Variants in ARHGAP6 observed in about 807,000 individuals in gnomAD.
ARHGAP6 encodes rho GTPase-activating protein 6.
ARHGAP6 carries 16 observed loss-of-function variants against 55.7 expected under a neutral mutation model. That is an observed-to-expected ratio of 0.29 (90% confidence interval 0.19 to 0.44). The LOEUF (loss-of-function observed/expected upper bound fraction) is 0.44. Among genes scored for constraint, ARHGAP6 ranks in the 20% least tolerant of loss-of-function variants. The pLI is 1.00. For synonymous variants in ARHGAP6, 382 were observed against 360.9 expected, an observed-to-expected ratio of 1.06 and a Z score of -0.66; for missense variants, 698 against 808.9, an observed-to-expected ratio of 0.86 and a Z score of 1.66.
At chrX:11,626,544 C>A (rs1013793749) in intron 1 of ARHGAP6, among the ~76,000 whole-genome samples, 1 of 111,796 alleles carries the variant, frequency 8.9e-6, no homozygotes, top group African/African-American at 3.2e-5. Context: ...TTTCTTAATG[C>A]ATCATAAAAT....
intron 1 of ARHGAP6, among the ~76,000 whole-genome samples, chrX:11,353,914 C>T (rs2048893670): frequency 1.8e-5 from 2 of 110,976 alleles, no homozygotes; most frequent in South Asian, 7.7e-4. Flanking sequence ...GTGACTACAT[C>T]AGGCAAACTT....
intron 1 of ARHGAP6, among the ~76,000 whole-genome samples, chrX:11,599,754 G>A (rs1339167811): frequency 9.0e-6 from 1 of 111,552 alleles, no homozygotes; most frequent in African/African-American, 3.3e-5. Context: ...AATTTGCTAA[G>A]GGGATAGATC....
At chrX:11,178,892 G>T (rs951159925) in intron 7 of ARHGAP6, among the ~76,000 whole-genome samples, 23 of 111,363 alleles carry the variant, frequency 2.1e-4, no homozygotes, top group African/African-American at 7.5e-4. Flanking sequence ...CCTGGCACTG[G>T]GCTATGGCAT....
Position 11,406,487 on chromosome X carries a change from CCA to C in ARHGAP6, c.589-151782_589-151781del, listed in dbSNP as rs2049610407. Among the ~76,000 whole-genome samples the C allele has an allele frequency of 3.6e-5, 4 of 111,185 alleles. No individual in the cohort carries two copies. In the South Asian group the frequency reaches 1.5e-3, roughly 42 times the overall value. Reference sequence around the variant, plus strand: ...GCTGTAAACTATACACACACACACCCCACACACACACTCACACACAATGTAAA... The same window carrying C: ...GCTGTAAACTATACACACACACACCCCACACACACTCACACACAATGTAAA... On this transcript the variant is annotated intron_variant, in intron 1 of 12. Coordinates refer to ENST00000337414, the MANE Select transcript of ARHGAP6 (RefSeq NM_013427.3).
chrX:11,473,377 T>C (rs1005406050), intron 1 of ARHGAP6, among the ~76,000 whole-genome samples: 1 of 112,092 alleles, frequency 8.9e-6, no homozygotes, highest in African/African-American at 3.2e-5. Flanking sequence ...CCTGTGTATG[T>C]GACCTTATTT....
chrX:11,429,697 T>C (rs2147787426), intron 1 of ARHGAP6, among the ~76,000 whole-genome samples: 1 of 111,497 alleles, frequency 9.0e-6, no homozygotes, highest in East Asian at 2.8e-4. Context: ...CCATTGACCT[T>C]GGAGGCCTTC....
At chrX:11,620,868 C>A (rs2052220265) in intron 1 of ARHGAP6, among the ~76,000 whole-genome samples, 1 of 111,970 alleles carries the variant, frequency 8.9e-6, no homozygotes, top group African/African-American at 3.2e-5. Context: ...AAAGAATCAT[C>A]CGGTCCAAAA....
chrX:11,613,883 A>T (rs2052132166), intron 1 of ARHGAP6, among the ~76,000 whole-genome samples: 1 of 112,134 alleles, frequency 8.9e-6, no homozygotes. Context: ...AAAAACAGCA[A>T]AACAGAAAAC....
At chrX:11,412,746 A>G (rs2049701573) in intron 1 of ARHGAP6, among the ~76,000 whole-genome samples, 1 of 112,259 alleles carries the variant, frequency 8.9e-6, no homozygotes, top group Non-Finnish European at 1.9e-5. Context: ...GGAAGCTACC[A>G]CCATCATGTA....
At chrX:11,542,271 A>T (rs765559724) in intron 1 of ARHGAP6, among the ~76,000 whole-genome samples, 1 of 110,988 alleles carries the variant, frequency 9.0e-6, no homozygotes, top group African/African-American at 3.3e-5. Context: ...CAGGGGTTTG[A>T]AAACAGCCTG....
intron 4 of ARHGAP6, 137 bp from the exon 5 acceptor site, chrX:11,186,568 G>A (rs1602812701): frequency 5.0e-6 from 2 of 396,652 alleles, no homozygotes; most frequent in East Asian, 7.8e-5. Flanking sequence ...TTCTTTAATT[G>A]TTCTGTTTGT....
At chrX:11,303,825 A>C (rs767529930) in intron 1 of ARHGAP6, among the ~76,000 whole-genome samples, 1 of 111,483 alleles carries the variant, frequency 9.0e-6, no homozygotes, top group South Asian at 3.8e-4. Context: ...TCTGCTGTGG[A>C]AACTTGGACA....
intron 1 of ARHGAP6, among the ~76,000 whole-genome samples, chrX:11,310,805 A>G (rs942080073): frequency 3.6e-5 from 4 of 111,907 alleles, no homozygotes; most frequent in African/African-American, 1.3e-4. Context: ...GCCACTGACA[A>G]AAATTCTGTT....
At chrX:11,451,560 G>A (rs992661996) in intron 1 of ARHGAP6, among the ~76,000 whole-genome samples, 2 of 112,159 alleles carry the variant, frequency 1.8e-5, no homozygotes, top group Admixed American at 1.9e-4. Context: ...AGCAATACAA[G>A]TAACAGTTCT....
chrX:11,310,198 C>T (rs1477440456), intron 1 of ARHGAP6, among the ~76,000 whole-genome samples: 1 of 67,173 alleles, frequency 1.5e-5, no homozygotes, highest in Non-Finnish European at 2.7e-5. Flanking sequence ...ATCACGCCCA[C>T]TAGGATAGCT....
chrX:11,237,809 G>A (rs1288500691), intron 2 of ARHGAP6, among the ~76,000 whole-genome samples: 2 of 112,300 alleles, frequency 1.8e-5, no homozygotes, highest in African/African-American at 6.5e-5. Context: ...ACACTTGGGT[G>A]GCAGAGTAGG....
Position 11,422,835 on chromosome X carries a change from T to C in ARHGAP6, c.589-168128A>G, listed in dbSNP as rs911704777. On this transcript the variant is annotated intron_variant, in intron 1 of 12. Coordinates refer to ENST00000337414, the MANE Select transcript of ARHGAP6 (RefSeq NM_013427.3). ...TATGCAACATCCAACAGGAATCTGA[T>C]TTTTTATCAATTAGTAGTGGTACTT... 6.2e-5 allele frequency among the ~76,000 whole-genome samples: 7 copies of C among 112,378 alleles called. No individual in the cohort carries two copies. The South Asian group carries it at 1.1e-3, about 18-fold the overall frequency.
intron 1 of ARHGAP6, among the ~76,000 whole-genome samples, chrX:11,350,527 A>G (rs2048849236): frequency 8.9e-6 from 1 of 111,903 alleles, no homozygotes; most frequent in Non-Finnish European, 1.9e-5. Context: ...CCTAGAAGAG[A>G]GAAGTGTAGC....
chrX:11,233,100 C>T (rs1170371742), intron 2 of ARHGAP6, among the ~76,000 whole-genome samples: 1 of 112,396 alleles, frequency 8.9e-6, no homozygotes, highest in Non-Finnish European at 1.9e-5. Flanking sequence ...CTAATTCAAA[C>T]GTTATCTTGA....
Sources: gnomAD v4.1 joint callset for allele counts (sites outside exome capture counted in the v4.1 genomes callset) on GRCh38, gnomAD v4.1.1 for gene constraint, MANE v1.5 for transcripts, NCBI Gene and HGNC (gene_info 2026-07-23, HGNC 2026-07-21) for gene names.